Variants in EIF2AK2 observed in about 807,000 individuals in gnomAD.
The protein encoded by EIF2AK2 is interferon-induced, double-stranded RNA-activated protein kinase.
EIF2AK2 carries 40 observed loss-of-function variants against 70.5 expected under a neutral mutation model. The observed-to-expected ratio is 0.57, with a 90% CI of 0.44 to 0.74. The LOEUF is 0.74. Ranked by LOEUF, EIF2AK2 falls within the 30% of genes least tolerant of loss-of-function variation. EIF2AK2 has a pLI of 0.00. For missense variants in EIF2AK2, 555 were observed against 644.3 expected, an observed-to-expected ratio of 0.86 and a Z score of 1.50; for synonymous variants, 198 against 220.9, an observed-to-expected ratio of 0.90 and a Z score of 0.92.
chr2:37,149,785 A>C (rs1310661760), intron 1 of EIF2AK2, among the ~76,000 whole-genome samples: 2 of 152,332 alleles, frequency 1.3e-5, no homozygotes, highest in East Asian at 3.9e-4. Context: ...ATCAGTGACC[A>C]GTCGTGTTAC....
intron 14 of EIF2AK2, among the ~76,000 whole-genome samples, chr2:37,111,389 ATTTC>A (rs1244204105): frequency 6.7e-6 from 1 of 150,106 alleles, no homozygotes; most frequent in African/African-American, 2.4e-5. Flanking sequence ...GAGATATGGA[ATTTC>A]TTTTCTTTTT....
chr2:37,139,870 T>G, intron 5 of EIF2AK2, 113 bp from the exon 6 acceptor site: 1 of 1,087,726 alleles, frequency 9.2e-7, no homozygotes, highest in Non-Finnish European at 1.3e-6. Flanking sequence ...ACCAATTTAT[T>G]AGATAGATTT....
At chr2:37,120,432 G>T (rs903392936) in intron 12 of EIF2AK2, among the ~76,000 whole-genome samples, 1 of 140,870 alleles carries the variant, frequency 7.1e-6, no homozygotes, top group African/African-American at 2.6e-5. Flanking sequence ...GCGTGAACCC[G>T]GTAGGCGGAG....
chr2:37,139,179 G>C (rs1419468884), intron 6 of EIF2AK2, among the ~76,000 whole-genome samples: 2 of 151,862 alleles, frequency 1.3e-5, no homozygotes, highest in Non-Finnish European at 2.9e-5. Flanking sequence ...GCCGGGCACG[G>C]TAGCAGGCGC....
chr2:37,150,538 G>C (rs535044912), intron 1 of EIF2AK2, among the ~76,000 whole-genome samples: 21 of 152,182 alleles, frequency 1.4e-4, no homozygotes, highest in Non-Finnish European at 2.5e-4. Context: ...TATTAAGATT[G>C]CTTTGCATGG....
chr2:37,113,966 T>C (rs1009361029), intron 14 of EIF2AK2, among the ~76,000 whole-genome samples: 3 of 152,134 alleles, frequency 2.0e-5, no homozygotes, highest in Non-Finnish European at 4.4e-5. Context: ...CTAACACAGA[T>C]TATCACAGAA....
chr2:37,147,497 G>A (rs1415928547), intron 3 of EIF2AK2, among the ~76,000 whole-genome samples, 191 bp downstream of exon 3: 1 of 125,772 alleles, frequency 8.0e-6, no homozygotes, highest in Non-Finnish European at 1.6e-5. Context: ...GGTGTGTGAT[G>A]TTCCCCTTCC....
rs1467702921 is a variant in EIF2AK2 at position 37,101,449 on chromosome 2, T to C, written c.*5824A>G. ...TCAGGTGAAAGATTGATGAGAAACTTTGTAGTAGTTGGTACCACCAGAACT... is the reference window on the plus strand; with the variant it reads ...TCAGGTGAAAGATTGATGAGAAACTCTGTAGTAGTTGGTACCACCAGAACT... On this transcript the variant is annotated 3_prime_UTR_variant, in exon 17 of 17. Coordinates refer to ENST00000233057, the MANE Select transcript of EIF2AK2 (RefSeq NM_001135651.3). The C allele has an allele frequency of 1.3e-5, 2 of 152,148 alleles. No individual in the cohort carries two copies. Among genetic ancestry groups the C allele is most frequent in the Non-Finnish European group, 2.9e-5 (2 of 68,036 alleles). The allele number at this position is 152,148 out of a possible 1,614,324, so 9.4% of individuals were successfully genotyped here. A position where few individuals can be genotyped will look rare whatever the true frequency, so the allele number is the denominator to read the frequency against.
chr2:37,138,238 T>C, intron 8 of EIF2AK2, 32 bp downstream of exon 8: 1 of 1,507,506 alleles, frequency 6.6e-7, no homozygotes, highest in Non-Finnish European at 9.1e-7. Context: ...AAAAATAAGA[T>C]TAAGTAGGAA....
Position 37,122,547 on chromosome 2 carries a change from C to T in EIF2AK2, c.1026G>A (p.Glu342=), listed in dbSNP as rs111395561. 1.7e-4 allele frequency: 281 copies of T among 1,614,118 alleles called. 7 individuals carry two copies. The African/African-American group carries it at 2.9e-3, about 17-fold the overall frequency. ...YDPETSDDSL[E]SSDYDPENSK... is the part of the protein sequence containing the mutation. ...TGTTCTCAGGATCATAATCACTGCT[C>T]TCAAGAGAATCATCACTGGTCTCAG... The change falls in exon 12 of 17, where the codon GAG becomes GAA. Residue 342 remains glutamate, a synonymous_variant. Transcript: ENST00000233057.
chr2:37,118,593 A>G (rs190048551), intron 13 of EIF2AK2, among the ~76,000 whole-genome samples: 135 of 152,368 alleles, frequency 8.9e-4, no homozygotes, highest in African/African-American at 3.1e-3. Flanking sequence ...ATTTAACTAT[A>G]TGTATGATTT....
At chr2:37,109,747 G>A (rs890041039) in intron 14 of EIF2AK2, among the ~76,000 whole-genome samples, 3 of 152,164 alleles carry the variant, frequency 2.0e-5, no homozygotes, top group Non-Finnish European at 4.4e-5. Flanking sequence ...CAATAAAAAG[G>A]AATTCTCTGC....
chr2:37,119,972 T>C lies in EIF2AK2; in HGVS notation c.1235A>G (p.His412Arg). The change falls in exon 13 of 17, where the codon CAT becomes CGT. Residue 412 changes from histidine to arginine, a missense_variant. Physicochemically the swap from His to Arg is conservative, Grantham distance 29. This residue lies in a region of EIF2AK2 where 299 missense variants were observed against 375.4 expected (regional missense o/e 0.80). Coordinates refer to ENST00000233057, the MANE Select transcript of EIF2AK2 (RefSeq NM_001135651.3). ...TTTTCCACTTACCTTAAGATCTCTA[T>C]GAATTAATTTTTTTGAATGTATATA... is the stretch of plus-strand genomic sequence containing the variant. Reference protein sequence around the residue: ...VDYIHSKKLIHRDLKPSNIFL... With the variant: ...VDYIHSKKLIRRDLKPSNIFL... 6.9e-7 allele frequency: 1 copy of C among 1,450,348 alleles called. No homozygotes were observed. 89.8% of individuals were successfully genotyped at this position (1,450,348 alleles called of 1,614,324 possible). A position where few individuals can be genotyped will look rare whatever the true frequency, so the allele number is the denominator to read the frequency against.
At chr2:37,149,413 C>T (rs1299549352) in intron 1 of EIF2AK2, 3 of 487,176 alleles carry the variant, frequency 6.2e-6, no homozygotes, top group Non-Finnish European at 1.1e-5. Context: ...TTAAAAGCAC[C>T]TCAATGTGCA....
intron 14 of EIF2AK2, 76 bp from the exon 15 acceptor site, chr2:37,109,371 T>G: frequency 7.8e-7 from 1 of 1,283,346 alleles, no homozygotes; most frequent in Non-Finnish European, 1.1e-6. Context: ...CCAAAAAAGT[T>G]ATTTGACCAA....
chr2:37,126,357 T>G lies in EIF2AK2; in HGVS notation c.840A>C (p.Gln280His). ...IELIGSGGFG[Q>H]VFKAKHRIDG... is the part of the protein sequence containing the mutation. ...CAATTCTGTGTTTTGCTTTGAAAAC[T>G]TGGCCAAATCCACCTGAGCCAATTA... Residue 280 changes from glutamine (Q) to histidine (H), a missense_variant, in exon 11 of 17, where the codon CAA becomes CAC. Around this residue, in one of 3 missense-constraint regions of EIF2AK2, gnomAD observed 299 missense variants for 375.4 expected, o/e 0.80. Coordinates refer to ENST00000233057, the MANE Select transcript of EIF2AK2 (RefSeq NM_001135651.3). The G allele has an allele frequency of 1.9e-6, 3 of 1,612,968 alleles. No individual in the cohort carries two copies. The highest frequency in any genetic ancestry group is 2.5e-6 in the Non-Finnish European group (3 of 1,179,608).
At chr2:37,128,623 T>C (rs1052767442) in intron 10 of EIF2AK2, among the ~76,000 whole-genome samples, 2 of 152,232 alleles carry the variant, frequency 1.3e-5, no homozygotes, top group African/African-American at 4.8e-5. Context: ...TTCTGTTGAA[T>C]GAACAACACA....
rs576617893 is a variant in EIF2AK2, at chr2:37,147,419, G to T, written c.119+269C>A. On this transcript the variant is annotated intron_variant, in intron 3 of 16. Transcript: ENST00000233057. ...GTTGGTGTGCTGCACCCATTAACTC[G>T]TCATTTAGCATTAGGTATATCTCCT... 2.0e-5 allele frequency among the ~76,000 whole-genome samples: 3 copies of T among 149,844 alleles called. No individual in the cohort carries two copies. The East Asian group carries it at 5.9e-4, about 29-fold the overall frequency.
intron 13 of EIF2AK2, among the ~76,000 whole-genome samples, chr2:37,116,832 A>C (rs555994466): frequency 6.6e-6 from 1 of 152,338 alleles, no homozygotes; most frequent in South Asian, 2.1e-4. Context: ...AAGAAACAGA[A>C]AATTGAATTT....
Sources: gnomAD v4.1 joint callset for allele counts (sites outside exome capture counted in the v4.1 genomes callset) on GRCh38, gnomAD v4.1.1 for gene constraint, gnomAD v4.1.1 regional missense constraint, MANE v1.5 for transcripts, NCBI Gene and HGNC (gene_info 2026-07-23, HGNC 2026-07-21) for gene names.